The following RBFOX1 variants were observed in gnomAD, a reference collection of about 807,000 sequenced individuals.
RBFOX1 encodes RNA binding fox-1 homolog 1, also known as RNA binding protein fox-1 homolog 1.
A neutral mutation model predicts 57.7 loss-of-function variants in RBFOX1; 8 were observed. The ratio of observed to expected loss-of-function variants is 0.14; its 90% CI spans 0.08 to 0.25. The LOEUF (loss-of-function observed/expected upper bound fraction) is 0.25. RBFOX1 is among the 10% of genes least tolerant of loss of function. The pLI is 1.00. For synonymous variants in RBFOX1, 326 were observed against 222.4 expected, an observed-to-expected ratio of 1.47 and a Z score of -4.15; for missense variants, 611 against 548.5, an observed-to-expected ratio of 1.11 and a Z score of -1.14.
At chr16:7,073,338 C>T (rs1016747915) in intron 4 of RBFOX1, among the ~76,000 whole-genome samples, 38 of 152,224 alleles carry the variant, frequency 2.5e-4, no homozygotes, top group African/African-American at 8.7e-4. Context: ...GGGGCATGGC[C>T]CATGACTGTA....
At chr16:6,896,845 A>G (rs1039334297) in intron 3 of RBFOX1, among the ~76,000 whole-genome samples, 6 of 152,186 alleles carry the variant, frequency 3.9e-5, no homozygotes, top group South Asian at 2.1e-4. Flanking sequence ...ATTGCAGGTA[A>G]TATAAAAATC....
At chr16:5,742,616 A>C (rs1326987120) in intron 3 of RBFOX1, among the ~76,000 whole-genome samples, 1 of 152,164 alleles carries the variant, frequency 6.6e-6, no homozygotes, top group African/African-American at 2.4e-5. Flanking sequence ...TGGTCAAGCT[A>C]CTCATATAGA....
At chr16:7,660,983 G>C (rs1312375882) in intron 12 of RBFOX1, among the ~76,000 whole-genome samples, 1 of 152,152 alleles carries the variant, frequency 6.6e-6, no homozygotes, top group Non-Finnish European at 1.5e-5. Context: ...TCCATCTCAT[G>C]GGGGTATTCT....
At chr16:7,072,249 G>A (rs984847041) in intron 4 of RBFOX1, among the ~76,000 whole-genome samples, 7 of 152,024 alleles carry the variant, frequency 4.6e-5, no homozygotes, top group Non-Finnish European at 7.4e-5. Context: ...CACTCCTTAG[G>A]GCCAGAATGA....
In RBFOX1 at chr16:5,469,747, A is replaced by C. The variant is rs540586456; in HGVS notation, c.258+2493A>C. Among the ~76,000 whole-genome samples, 5 of 152,222 alleles carry C rather than the reference A, an allele frequency of 3.3e-5. 1 individual carries two copies. The highest frequency in any genetic ancestry group is 1.3e-4 in the Admixed American group (2 of 15,286). On this transcript the variant is annotated intron_variant, in intron 2 of 2. Coordinates refer to the RBFOX1 transcript ENST00000585867. Reference sequence around the variant, plus strand: ...TACCTCTTTTGGATATTTTATATAAATGGAATTGTATAGTATGTGGTCTTC... The same window carrying C: ...TACCTCTTTTGGATATTTTATATAACTGGAATTGTATAGTATGTGGTCTTC...
intron 14 of RBFOX1, among the ~76,000 whole-genome samples, chr16:7,688,498 T>C (rs115421221): frequency 6.6e-6 from 1 of 152,156 alleles, no homozygotes; most frequent in African/African-American, 2.4e-5. Context: ...TGACTTGATA[T>C]CTAGCATCTC....
At chr16:6,777,818 T>C (rs896312976) in intron 3 of RBFOX1, among the ~76,000 whole-genome samples, 5 of 152,102 alleles carry the variant, frequency 3.3e-5, no homozygotes, top group African/African-American at 1.2e-4. Flanking sequence ...TCATCAAGCT[T>C]TCCAGTTTCA....
At chr16:6,936,045 A>C (rs929197778) in intron 3 of RBFOX1, among the ~76,000 whole-genome samples, 1 of 152,170 alleles carries the variant, frequency 6.6e-6, no homozygotes, top group Non-Finnish European at 1.5e-5. Flanking sequence ...CTCAATGCGC[A>C]AGAGTATTTT....
intron 4 of RBFOX1, among the ~76,000 whole-genome samples, chr16:7,346,037 C>T (rs2096995237): frequency 6.6e-6 from 1 of 152,110 alleles, no homozygotes; most frequent in African/African-American, 2.4e-5. Flanking sequence ...TCCAAGTGTT[C>T]TCATTGTTCA....
chr16:7,547,419 T>C (rs148290463), intron 5 of RBFOX1, among the ~76,000 whole-genome samples: 3 of 152,342 alleles, frequency 2.0e-5, no homozygotes, highest in South Asian at 2.1e-4. Context: ...CCTTCTGTTA[T>C]ATGCCAAAAA....
chr16:6,393,983 GA>G (rs1176843781), intron 2 of RBFOX1, among the ~76,000 whole-genome samples: 2 of 152,194 alleles, frequency 1.3e-5, no homozygotes, highest in Non-Finnish European at 2.9e-5. Context: ...AAGAATCTTG[GA>G]AGGCGTTTTC....
intron 2 of RBFOX1, among the ~76,000 whole-genome samples, chr16:6,510,564 G>A (rs745606106): frequency 2.0e-5 from 3 of 152,142 alleles, no homozygotes; most frequent in Non-Finnish European, 4.4e-5. Flanking sequence ...GGAGTCTGTT[G>A]GATTCCATGT....
chr16:6,898,235 C>G (rs1218850962), intron 3 of RBFOX1, among the ~76,000 whole-genome samples: 2 of 152,256 alleles, frequency 1.3e-5, no homozygotes, highest in Admixed American at 6.5e-5. Flanking sequence ...CCTTTGGCAT[C>G]AAGCTCTGAC....
At chr16:6,106,184 C>T (rs1387689603) in intron 1 of RBFOX1, among the ~76,000 whole-genome samples, 1 of 152,066 alleles carries the variant, frequency 6.6e-6, no homozygotes, top group Admixed American at 6.5e-5. Context: ...TGGCCGGGCC[C>T]AGTAGCTCCT....
At chr16:7,027,430 T>C (rs2041296139) in intron 3 of RBFOX1, among the ~76,000 whole-genome samples, 1 of 152,178 alleles carries the variant, frequency 6.6e-6, no homozygotes, top group Non-Finnish European at 1.5e-5. Context: ...ACATCTCCTT[T>C]TTTCAGGTGG....
intron 3 of RBFOX1, among the ~76,000 whole-genome samples, chr16:5,656,533 A>T (rs930181126): frequency 1.2e-4 from 18 of 152,226 alleles, no homozygotes; most frequent in African/African-American, 4.3e-4. Flanking sequence ...CTGTGAAACC[A>T]TCACCACATC....
chr16:6,401,588 C>G (rs914438660), intron 2 of RBFOX1, among the ~76,000 whole-genome samples: 1 of 152,126 alleles, frequency 6.6e-6, no homozygotes, highest in Non-Finnish European at 1.5e-5. Flanking sequence ...GTGTCTTTAA[C>G]TAAAATATGA....
chr16:5,903,584 C>G (rs1183458619), intron 4 of RBFOX1, among the ~76,000 whole-genome samples: 1 of 152,166 alleles, frequency 6.6e-6, no homozygotes, highest in Non-Finnish European at 1.5e-5. Flanking sequence ...AACACTGTCT[C>G]TTGCAGCCGT....
intron 3 of RBFOX1, among the ~76,000 whole-genome samples, chr16:6,676,167 CACACACACA>C (rs1296178669): frequency 1.6e-4 from 24 of 151,818 alleles, no homozygotes; most frequent in African/African-American, 5.3e-4. Context: ...CACACACACA[CACACACACA>C]CACACTTCCC....
Sources: gnomAD v4.1 joint callset for allele counts (sites outside exome capture counted in the v4.1 genomes callset) on GRCh38, gnomAD v4.1.1 for gene constraint, MANE v1.5 for transcripts, NCBI Gene and HGNC (gene_info 2026-07-23, HGNC 2026-07-21) for gene names.